Variants in CAMK1D observed in about 807,000 individuals in gnomAD.
The protein encoded by CAMK1D is calcium/calmodulin dependent protein kinase ID, also known as calcium/calmodulin-dependent protein kinase type 1D.
Under a neutral mutation model 47.7 loss-of-function variants are expected in CAMK1D, and 9 were observed. The ratio of observed to expected loss-of-function variants is 0.19; its 90% CI spans 0.11 to 0.33. CAMK1D has a LOEUF of 0.33. CAMK1D is among the 10% of genes least tolerant of loss of function. The pLI, the probability that CAMK1D is intolerant of heterozygous loss-of-function variation, is 1.00. For synonymous variants in CAMK1D, 184 were observed against 184.9 expected, an observed-to-expected ratio of 0.99 and a Z score of 0.04; for missense variants, 291 against 488.7, an observed-to-expected ratio of 0.60 and a Z score of 3.81.
chr10:12,814,058 G>A (rs10795984), intron 6 of CAMK1D, 137 bp from the exon 7 acceptor site: 325,847 of 565,794 alleles, frequency 0.58, 99,949 homozygotes, highest in South Asian at 0.7. Flanking sequence ...CAAATTGCTG[G>A]GATTACCTGC....
intron 3 of CAMK1D, among the ~76,000 whole-genome samples, chr10:12,674,451 G>T (rs1343873331): frequency 6.6e-6 from 1 of 152,076 alleles, no homozygotes; most frequent in East Asian, 1.9e-4. Context: ...TACAACAGGG[G>T]ATGCTCAGCA....
chr10:12,598,406 G>A (rs1370140530), intron 2 of CAMK1D, among the ~76,000 whole-genome samples: 10 of 152,186 alleles, frequency 6.6e-5, no homozygotes, highest in Admixed American at 5.9e-4. Context: ...GGGCTCTCAA[G>A]ATACATCAGG....
chr10:12,805,342 A>C (rs1289556574), intron 6 of CAMK1D, among the ~76,000 whole-genome samples: 3 of 151,074 alleles, frequency 2.0e-5, no homozygotes, highest in Non-Finnish European at 4.4e-5. Context: ...TAATCATGAT[A>C]ATAAGCCATA....
chr10:12,439,915 A>T (rs2724768), intron 1 of CAMK1D, among the ~76,000 whole-genome samples: 19,835 of 152,228 alleles, frequency 0.13, 1,569 homozygotes, highest in African/African-American at 0.21. Flanking sequence ...AAGAGAGAGA[A>T]TGAGAACCAG....
Position 12,691,179 on chromosome 10 carries a change from C to T in CAMK1D, c.299+24369C>T, listed in dbSNP as rs372624807. 1.5e-4 allele frequency among the ~76,000 whole-genome samples: 23 copies of T among 151,598 alleles called. 1 individual carries two copies. In the East Asian group the frequency reaches 3.5e-3, roughly 23 times the overall value. ...AAGACTGACTGTAAAGGGATGCTTG[C>T]AACTGAAGAAAGGCTGGGGTGGGTG... On this transcript the variant is annotated intron_variant, in intron 3 of 10. Coordinates refer to ENST00000619168, the MANE Select transcript of CAMK1D (RefSeq NM_153498.4).
intron 10 of CAMK1D, among the ~76,000 whole-genome samples, chr10:12,828,460 G>A (rs891128081): frequency 6.6e-6 from 1 of 152,080 alleles, no homozygotes; most frequent in African/African-American, 2.4e-5. Flanking sequence ...GGCCAACATG[G>A]TGAAACCCCA....
chr10:12,381,870 G>C (rs936624446), intron 1 of CAMK1D, among the ~76,000 whole-genome samples: 1 of 152,126 alleles, frequency 6.6e-6, no homozygotes, highest in African/African-American at 2.4e-5. Context: ...TTTCATAGCA[G>C]AGACCTGGCG....
At chr10:12,423,423 A>G (rs762111773) in intron 1 of CAMK1D, among the ~76,000 whole-genome samples, 4 of 152,074 alleles carry the variant, frequency 2.6e-5, no homozygotes, top group Non-Finnish European at 5.9e-5. Context: ...GCTGAGGTGG[A>G]AGGATCACTT....
chr10:12,460,536 A>G (rs1833392573), intron 1 of CAMK1D, among the ~76,000 whole-genome samples: 2 of 151,960 alleles, frequency 1.3e-5, no homozygotes, highest in Admixed American at 6.6e-5. Context: ...GGGTTCAAGC[A>G]ATTCTCCTGC....
intron 2 of CAMK1D, among the ~76,000 whole-genome samples, chr10:12,646,175 T>G (rs1367445924): frequency 4.6e-5 from 7 of 152,198 alleles, no homozygotes; most frequent in African/African-American, 1.7e-4. Flanking sequence ...TAATTGATTT[T>G]AAAAGATTTT....
intron 6 of CAMK1D, among the ~76,000 whole-genome samples, chr10:12,796,897 A>G (rs764670231): frequency 6.6e-6 from 1 of 151,722 alleles, no homozygotes; most frequent in Non-Finnish European, 1.5e-5. Context: ...CTCAGAGGAG[A>G]AAAAAAAAGA....
intron 2 of CAMK1D, among the ~76,000 whole-genome samples, chr10:12,649,260 G>A (rs1839894784): frequency 6.6e-6 from 1 of 152,248 alleles, no homozygotes; most frequent in South Asian, 2.1e-4. Flanking sequence ...CCTTGACTCT[G>A]CGCTGTGTTG....
chr10:12,802,156 C>A (rs897225749), intron 6 of CAMK1D, among the ~76,000 whole-genome samples: 3 of 152,172 alleles, frequency 2.0e-5, no homozygotes, highest in Admixed American at 6.5e-5. Context: ...TAAGTGTCAG[C>A]ACTTTCACAG....
At chr10:12,657,462 A>C (rs1840152134) in intron 2 of CAMK1D, among the ~76,000 whole-genome samples, 1 of 152,040 alleles carries the variant, frequency 6.6e-6, no homozygotes, top group Non-Finnish European at 1.5e-5. Context: ...AAATAAAAAC[A>C]CCTTTCTGTA....
At chr10:12,751,063 TAAGATAAGATAAGATAAG>T (rs1835930770) in intron 3 of CAMK1D, among the ~76,000 whole-genome samples, 1 of 6,164 alleles carries the variant, frequency 1.6e-4, no homozygotes. Flanking sequence ...TAAGATAAGA[TAAGATAAGATAAGATAAG>T]ATAAGATAAG....
At chr10:12,389,956 T>A (rs1258020459) in intron 1 of CAMK1D, among the ~76,000 whole-genome samples, 2 of 152,090 alleles carry the variant, frequency 1.3e-5, no homozygotes, top group African/African-American at 2.4e-5. Flanking sequence ...TTCCTGTGGG[T>A]CATCTTTGTG....
At chr10:12,537,460 A>G (rs10458822) in intron 1 of CAMK1D, among the ~76,000 whole-genome samples, 43,785 of 152,172 alleles carry the variant, frequency 0.29, 6,617 homozygotes, top group East Asian at 0.37. Context: ...GTAGCAATTT[A>G]TACTTAGCAA....
At chr10:12,531,530 C>CACA (rs1434584899) in intron 1 of CAMK1D, among the ~76,000 whole-genome samples, 1 of 152,192 alleles carries the variant, frequency 6.6e-6, no homozygotes, top group East Asian at 1.9e-4. Flanking sequence ...ATAATGATTA[C>CACA]AGCGTGTACC....
intron 3 of CAMK1D, among the ~76,000 whole-genome samples, chr10:12,721,722 A>G (rs1834385766): frequency 6.6e-6 from 1 of 152,186 alleles, no homozygotes; most frequent in Non-Finnish European, 1.5e-5. Context: ...GTGCCTCCAG[A>G]TAGTAGTCAT....
Sources: gnomAD v4.1 joint callset for allele counts (sites outside exome capture counted in the v4.1 genomes callset) on GRCh38, gnomAD v4.1.1 for gene constraint, MANE v1.5 for transcripts, NCBI Gene and HGNC (gene_info 2026-07-23, HGNC 2026-07-21) for gene names.